The following CFAP299 variants were observed in gnomAD, a reference collection of about 807,000 sequenced individuals.
CFAP299 encodes cilia and flagella associated protein 299.
Under a neutral mutation model 27.0 loss-of-function variants are expected in CFAP299, and 21 were observed. That is an observed-to-expected ratio of 0.78 (90% CI 0.55 to 1.12). CFAP299 has a LOEUF of 1.12. CFAP299 is among the 50% of genes most tolerant of loss of function. CFAP299 has a pLI of 0.00. For synonymous variants in CFAP299, 104 were observed against 98.1 expected (o/e 1.06, Z -0.36); for missense variants, 310 against 276.6 (o/e 1.12, Z -0.86).
At chr4:80,635,501 T>A (rs975741583) in intron 3 of CFAP299, among the ~76,000 whole-genome samples, 2 of 152,182 alleles carry the variant, frequency 1.3e-5, no homozygotes, top group Non-Finnish European at 2.9e-5. Flanking sequence ...ACTTAAATTT[T>A]AATTTTTGTT....
intron 4 of CFAP299, among the ~76,000 whole-genome samples, chr4:80,934,825 A>G (rs7661906): frequency 0.044 from 6,655 of 151,938 alleles, 433 homozygotes; most frequent in African/African-American, 0.14. Flanking sequence ...TATCTTTTCT[A>G]ACAGCCAGCT....
At chr4:80,953,789 A>G (rs1163000893) in intron 5 of CFAP299, among the ~76,000 whole-genome samples, 2 of 152,138 alleles carry the variant, frequency 1.3e-5, no homozygotes, top group Non-Finnish European at 1.5e-5. Context: ...ATATATGTCA[A>G]TGTTTAGTAA....
chr4:80,677,270 G>A (rs768866343), intron 3 of CFAP299, among the ~76,000 whole-genome samples: 1 of 151,842 alleles, frequency 6.6e-6, no homozygotes, highest in Non-Finnish European at 1.5e-5. Context: ...AGTTCCTCTT[G>A]ATATTGATTT....
Position 80,738,578 on chromosome 4 carries a change from T to C in CFAP299, c.334-131415T>C, listed in dbSNP as rs187094008. On this transcript the variant is annotated intron_variant, in intron 3 of 5. Coordinates refer to ENST00000358105, the MANE Select transcript of CFAP299 (RefSeq NM_152770.3). The stretch of plus-strand genomic sequence containing the variant: ...TGCTCTTTTCTGGTTTCCTCTGACA[T>C]GGAATATTTTTTTAGATCCCTTGTT... Among the ~76,000 whole-genome samples the C allele has an allele frequency of 3.8e-3, 578 of 152,132 alleles. 4 individuals carry two copies. The highest frequency in any genetic ancestry group is 0.013 in the African/African-American group (548 of 41,548).
chr4:80,782,064 G>A (rs72879928), intron 3 of CFAP299, among the ~76,000 whole-genome samples: 1,642 of 152,060 alleles, frequency 0.011, 29 homozygotes, highest in African/African-American at 0.037. Flanking sequence ...AGGCATCCCC[G>A]CTTTCCCTTT....
chr4:80,386,927 G>A (rs1281518280), intron 2 of CFAP299: 6 of 846,534 alleles, frequency 7.1e-6, no homozygotes, highest in Admixed American at 7.0e-5. Context: ...GGTTGTGAGC[G>A]CGCAGTTTGA....
At chr4:80,857,823 G>T (rs960712326) in intron 3 of CFAP299, among the ~76,000 whole-genome samples, 5 of 152,144 alleles carry the variant, frequency 3.3e-5, no homozygotes, top group African/African-American at 4.8e-5. Context: ...TTTTATTGAG[G>T]ATTTTTGCAT....
At chr4:80,388,606 A>T (rs1725158904) in intron 2 of CFAP299, 3 of 1,406,150 alleles carry the variant, frequency 2.1e-6, no homozygotes, top group Admixed American at 1.7e-5. Flanking sequence ...ACGCATTGAC[A>T]CTCTGGCCTC....
At chr4:80,346,090 T>C (rs1722712701) in intron 1 of CFAP299, among the ~76,000 whole-genome samples, 1 of 152,274 alleles carries the variant, frequency 6.6e-6, no homozygotes, top group African/African-American at 2.4e-5. Context: ...AAGTGTCTGC[T>C]CATATCCTTT....
intron 4 of CFAP299, among the ~76,000 whole-genome samples, chr4:80,906,013 A>G (rs1347834210): frequency 6.6e-6 from 1 of 152,214 alleles, no homozygotes; most frequent in Non-Finnish European, 1.5e-5. Flanking sequence ...CAAATGTCCA[A>G]GTCCAAAGTC....
chr4:80,656,368 C>G (rs938603724), intron 3 of CFAP299, among the ~76,000 whole-genome samples: 8 of 152,070 alleles, frequency 5.3e-5, no homozygotes, highest in Non-Finnish European at 1.2e-4. Flanking sequence ...AATGCTATCC[C>G]TCCCCTAGTG....
chr4:80,366,021 G>A (rs975665441), intron 2 of CFAP299, among the ~76,000 whole-genome samples: 1 of 152,220 alleles, frequency 6.6e-6, no homozygotes, highest in Non-Finnish European at 1.5e-5. Context: ...GGTTGCCTTT[G>A]TAATGGGATG....
intron 3 of CFAP299, among the ~76,000 whole-genome samples, chr4:80,757,572 A>G (rs1725306694): frequency 6.6e-6 from 1 of 151,982 alleles, no homozygotes; most frequent in Admixed American, 6.6e-5. Context: ...AGCCTTCTAT[A>G]GTTTCTTACC....
chr4:80,339,331 C>T (rs1288424231), intron 1 of CFAP299, among the ~76,000 whole-genome samples: 1 of 152,074 alleles, frequency 6.6e-6, no homozygotes, highest in Non-Finnish European at 1.5e-5. Context: ...TCTTTTTGGT[C>T]GTGAGTTTGC....
At chr4:80,653,133 A>T (rs1740392420) in intron 3 of CFAP299, among the ~76,000 whole-genome samples, 1 of 152,144 alleles carries the variant, frequency 6.6e-6, no homozygotes, top group African/African-American at 2.4e-5. Context: ...ATTCAGCTAT[A>T]TGCACACTTG....
intron 3 of CFAP299, among the ~76,000 whole-genome samples, chr4:80,778,881 G>T (rs530524945): frequency 7.2e-5 from 11 of 152,020 alleles, no homozygotes; most frequent in Non-Finnish European, 1.6e-4. Context: ...ACTCATTTGT[G>T]TATGTGTTTT....
chr4:80,405,173 A>G (rs1420935139), intron 2 of CFAP299, among the ~76,000 whole-genome samples: 1 of 152,176 alleles, frequency 6.6e-6, no homozygotes, highest in African/African-American at 2.4e-5. Context: ...GAACTTCTGC[A>G]GGAAAAACAT....
chr4:80,626,805 A>C (rs888953064), intron 3 of CFAP299, among the ~76,000 whole-genome samples: 4 of 151,836 alleles, frequency 2.6e-5, no homozygotes, highest in African/African-American at 9.7e-5. Context: ...AAGACATAAA[A>C]AATCTTTACA....
intron 2 of CFAP299, among the ~76,000 whole-genome samples, chr4:80,419,456 G>A (rs1560558915): frequency 6.6e-6 from 1 of 152,096 alleles, no homozygotes; most frequent in Non-Finnish European, 1.5e-5. Context: ...AGTTCATTTA[G>A]CAGTGAAACT....
Sources: gnomAD v4.1 joint callset for allele counts (sites outside exome capture counted in the v4.1 genomes callset) on GRCh38, gnomAD v4.1.1 for gene constraint, MANE v1.5 for transcripts, NCBI Gene and HGNC (gene_info 2026-07-23, HGNC 2026-07-21) for gene names.